The following CEP15 variants were observed in gnomAD, a reference collection of about 807,000 sequenced individuals.
CEP15 encodes the protein centrosomal protein 15.
chr3:62,333,225 G>C, the CEP15 span: 1 of 1,601,974 alleles, frequency 6.2e-7, no homozygotes. This position sits in a 1 kb window ranked among gnomAD's most constrained non-coding sequence, Gnocchi z 4.0. Flanking sequence ...TGCTTGATAT[G>C]CTTTTTTACT....
the CEP15 span, among the ~76,000 whole-genome samples, chr3:62,320,073 C>T: frequency 2.6e-5 from 4 of 152,196 alleles, no homozygotes; most frequent in Non-Finnish European, 5.9e-5. Context: ...GCCTTTCTGT[C>T]TATGTGTGTT....
the CEP15 span, among the ~76,000 whole-genome samples, chr3:62,320,908 A>C: frequency 6.6e-6 from 1 of 152,072 alleles, no homozygotes. Flanking sequence ...ATCATTTTGG[A>C]CTGGACCCTG....
chr3:62,327,435 T>C, the CEP15 span, among the ~76,000 whole-genome samples: 1 of 152,124 alleles, frequency 6.6e-6, no homozygotes, highest in Admixed American at 6.5e-5. Context: ...GTTTTGCACT[T>C]ACAGCACATC....
At chr3:62,320,110 T>C in the CEP15 span, among the ~76,000 whole-genome samples, 1 of 152,256 alleles carries the variant, frequency 6.6e-6, no homozygotes, top group Non-Finnish European at 1.5e-5. Flanking sequence ...ATGGTGTTCC[T>C]GTGTTGAATT....
At chr3:62,321,997 G>A in the CEP15 span, 4 of 1,610,020 alleles carry the variant, frequency 2.5e-6, 1 homozygote, top group South Asian at 3.3e-5. This position sits in a 1 kb window ranked among gnomAD's most constrained non-coding sequence, Gnocchi z 4.1. Flanking sequence ...CACAGAAAAG[G>A]CATCTCAACT....
chr3:62,325,740 T>G, the CEP15 span, among the ~76,000 whole-genome samples: 1 of 152,064 alleles, frequency 6.6e-6, no homozygotes, highest in East Asian at 1.9e-4. Context: ...AGAAAGGCAA[T>G]TGTGTAAGTA....
chr3:62,326,622 C>T, the CEP15 span, among the ~76,000 whole-genome samples: 1 of 152,142 alleles, frequency 6.6e-6, no homozygotes, highest in Non-Finnish European at 1.5e-5. Flanking sequence ...CCATCATCCA[C>T]ACTGGGAACT....
chr3:62,328,512 TG>T, the CEP15 span, among the ~76,000 whole-genome samples: 1 of 152,218 alleles, frequency 6.6e-6, no homozygotes, highest in East Asian at 1.9e-4. Context: ...GTTTCCATTT[TG>T]GGGGGAATTG....
chr3:62,332,174 C>T, the CEP15 span, among the ~76,000 whole-genome samples: 22 of 152,184 alleles, frequency 1.4e-4, no homozygotes, highest in African/African-American at 5.1e-4. Flanking sequence ...CTTACTCTGG[C>T]ATATACAGGA....
At chr3:62,323,027 C>T in the CEP15 span, among the ~76,000 whole-genome samples, 13 of 152,108 alleles carry the variant, frequency 8.5e-5, no homozygotes, top group Non-Finnish European at 1.8e-4. Context: ...CTGGAATTTG[C>T]TCTGAAAAGT....
chr3:62,332,818 T>C, the CEP15 span, among the ~76,000 whole-genome samples: 2 of 152,144 alleles, frequency 1.3e-5, no homozygotes, highest in Non-Finnish European at 2.9e-5. Flanking sequence ...AATCTTTTGA[T>C]GTTAATCCTG....
chr3:62,324,546 G>A, the CEP15 span, among the ~76,000 whole-genome samples: 6 of 152,162 alleles, frequency 3.9e-5, no homozygotes, highest in Non-Finnish European at 7.3e-5. Context: ...AATAGATAGA[G>A]GTGGACCTGC....
At chr3:62,333,321 C>A in the CEP15 span, 3 of 1,611,624 alleles carry the variant, frequency 1.9e-6, no homozygotes, top group Admixed American at 3.3e-5. The surrounding 1 kb of genome is among the most constrained non-coding windows in gnomAD (Gnocchi z 4.0). Flanking sequence ...AGGAAGAGCA[C>A]CATATCCTTT....
the CEP15 span, chr3:62,333,133 T>C: frequency 1.4e-6 from 1 of 740,036 alleles, no homozygotes; most frequent in Non-Finnish European, 2.1e-6. This position sits in a 1 kb window ranked among gnomAD's most constrained non-coding sequence, Gnocchi z 4.0. Flanking sequence ...TACATATATG[T>C]GTGTGTGTGT....
chr3:62,334,796 A>T, the CEP15 span: 5 of 152,004 alleles, frequency 3.3e-5, no homozygotes, highest in Non-Finnish European at 7.4e-5. The surrounding 1 kb of genome is among the most constrained non-coding windows in gnomAD (Gnocchi z 4.9). Context: ...TAAATTGATA[A>T]TTTTTTTCTG....
At chr3:62,332,631 C>G in the CEP15 span, among the ~76,000 whole-genome samples, 2 of 152,066 alleles carry the variant, frequency 1.3e-5, no homozygotes, top group East Asian at 3.8e-4. Flanking sequence ...TACAGCATCT[C>G]AACTTCCAAG....
the CEP15 span, among the ~76,000 whole-genome samples, chr3:62,330,354 A>G: frequency 6.6e-6 from 1 of 152,092 alleles, no homozygotes; most frequent in Non-Finnish European, 1.5e-5. Flanking sequence ...ACTAAGCTCA[A>G]AAGAGAGACA....
At chr3:62,319,406 G>A in the CEP15 span, 1 of 152,188 alleles carries the variant, frequency 6.6e-6, no homozygotes, top group Non-Finnish European at 1.5e-5. Context: ...TTGGCCTGCG[G>A]GTGATGTTAG....
the CEP15 span, among the ~76,000 whole-genome samples, chr3:62,319,997 A>C: frequency 1.3e-5 from 2 of 152,244 alleles, no homozygotes; most frequent in South Asian, 4.1e-4. Context: ...GAGATGGTAG[A>C]ACTGGGCACT....
Sources: allele counts gnomAD v4.1 joint callset (sites outside exome capture counted in the v4.1 genomes callset), GRCh38; gene constraint gnomAD v4.1.1; non-coding constraint Gnocchi (gnomAD v3.1); transcripts MANE v1.5; gene names NCBI Gene and HGNC (gene_info 2026-07-23, HGNC 2026-07-21).